NEO1: variants seen among roughly 807,000 people sequenced by gnomAD.
The protein encoded by NEO1 is neogenin 1.
A neutral mutation model predicts 159.7 loss-of-function variants in NEO1; 63 were observed. That is an observed-to-expected ratio of 0.39 (90% CI 0.32 to 0.49). The LOEUF is 0.49. Among genes scored for constraint, NEO1 ranks in the 20% least tolerant of loss-of-function variants. NEO1 has a pLI of 0.85. For missense variants in NEO1, 1,615 were observed against 1,831.0 expected, an observed-to-expected ratio of 0.88 and a Z score of 2.15; for synonymous variants, 633 against 662.0, an observed-to-expected ratio of 0.96 and a Z score of 0.67.
At position 73,301,404 on chromosome 15, in the gene NEO1, C is replaced by G; in HGVS notation, c.4249C>G (p.Pro1417Ala). The G allele has an allele frequency of 1.2e-6, 2 of 1,614,186 alleles. No homozygotes were observed. The highest frequency in any genetic ancestry group is 1.7e-6 in the Non-Finnish European group (2 of 1,180,030). ...CCGGCCTCCTATGCCAGTGGTTGTTCCCAGTGCCCCTGAAGTGCAGGAGAC... is the reference window on the plus strand; with the variant it reads ...CCGGCCTCCTATGCCAGTGGTTGTTGCCAGTGCCCCTGAAGTGCAGGAGAC... Reference protein sequence around the residue: ...RSRPPMPVVVPSAPEVQETTR... With the variant: ...RSRPPMPVVVASAPEVQETTR... The change falls in exon 28 of 29, where the codon CCC becomes GCC. Residue 1417 changes from proline (P) to alanine (A), a missense_variant. Around this residue, in one of 3 missense-constraint regions of NEO1, gnomAD observed 471 missense variants for 498.9 expected, o/e 0.94. Transcript: ENST00000261908.
intron 6 of NEO1, 30 bp from the exon 7 acceptor site, chr15:73,178,277 T>C (rs2035397237): frequency 6.3e-7 from 1 of 1,593,126 alleles, no homozygotes; most frequent in Non-Finnish European, 8.6e-7. Context: ...AATTAAATTA[T>C]GTAATTTTAT....
At chr15:73,109,844 G>T (rs1251636447) in intron 1 of NEO1, among the ~76,000 whole-genome samples, 1 of 152,094 alleles carries the variant, frequency 6.6e-6, no homozygotes, top group Non-Finnish European at 1.5e-5. Context: ...TTTTCCCCAG[G>T]AGAGGGGTTC....
At position 73,288,418 on chromosome 15, in the gene NEO1, G is replaced by A. The variant is rs780210502; in HGVS notation, c.3516G>A (p.Leu1172=). Residue 1172 remains leucine (L), a synonymous_variant, in exon 24 of 29, where the codon CTG becomes CTA. Coordinates refer to ENST00000261908, the MANE Select transcript of NEO1 (RefSeq NM_002499.4). ...DLWIHHERLE[L]KPIDKSPDPN... ...GGATCCATCATGAGAGACTGGAGCTGAAACCCATTGATAAGTCTCCAGACC... is the reference window on the plus strand; with the variant it reads ...GGATCCATCATGAGAGACTGGAGCTAAAACCCATTGATAAGTCTCCAGACC... 1 of 1,614,102 alleles carries A rather than the reference G, an allele frequency of 6.2e-7. No individual in the cohort carries two copies. Among genetic ancestry groups the A allele is most frequent in the Middle Eastern group, 1.6e-4 (1 of 6,062 alleles).
Position 73,249,064 on chromosome 15 carries a change from G to A in NEO1, c.1611G>A (p.Gln537=). 6.2e-7 allele frequency: 1 copy of A among 1,613,494 alleles called. No individual in the cohort carries two copies. The highest frequency in any genetic ancestry group is 8.5e-7 in the Non-Finnish European group (1 of 1,179,708). ...PLRVETQPEV[Q]LPGPAPNLRA... ...TTCTCGAACTTTTCTTTCTAGTTCA[G>A]CTCCCTGGCCCAGCACCTAACCTTC... The change falls in exon 10 of 29, where the codon CAG becomes CAA. Residue 537 remains glutamine (Q), a synonymous_variant. Coordinates refer to ENST00000261908, the MANE Select transcript of NEO1 (RefSeq NM_002499.4).
chr15:73,120,632 T>C (rs1309734787), intron 2 of NEO1, among the ~76,000 whole-genome samples: 2 of 96,000 alleles, frequency 2.1e-5, no homozygotes, highest in African/African-American at 8.5e-5. Flanking sequence ...TTTTAAGTAC[T>C]TTTTTTTTTT....
intron 1 of NEO1, among the ~76,000 whole-genome samples, chr15:73,084,380 AT>A (rs1032248566): frequency 6.6e-6 from 1 of 152,180 alleles, no homozygotes; most frequent in Non-Finnish European, 1.5e-5. Flanking sequence ...TAGATTACAC[AT>A]TTAAGTGACA....
At chr15:73,258,730 CT>C (rs753639056) in intron 13 of NEO1, 35 bp from the exon 14 acceptor site, 1 of 1,551,436 alleles carries the variant, frequency 6.4e-7, no homozygotes, top group Non-Finnish European at 8.9e-7. Context: ...TTCCAAAGCT[CT>C]TGTTTCAGTT....
intron 4 of NEO1, among the ~76,000 whole-genome samples, chr15:73,135,423 C>A (rs2031638526): frequency 6.6e-6 from 1 of 152,174 alleles, no homozygotes; most frequent in Admixed American, 6.5e-5. Context: ...GGCACTGTGA[C>A]CCCATGACTT....
chr15:73,266,277 T>C, intron 15 of NEO1, 39 bp from the exon 16 acceptor site: 1 of 1,511,092 alleles, frequency 6.6e-7, no homozygotes, highest in Non-Finnish European at 9.1e-7. Flanking sequence ...TAAAATTCTG[T>C]AGTGAGCATT....
In NEO1 at chr15:73,298,726, C is replaced by T. The variant is rs1035025685; in HGVS notation, c.4165+115C>T. 4 of 1,383,256 alleles carry T rather than the reference C, an allele frequency of 2.9e-6. No homozygotes were observed. In the Admixed American group the frequency reaches 6.5e-5, roughly 23 times the overall value. 85.7% of individuals were successfully genotyped at this position (1,383,256 alleles called of 1,614,324 possible). A position where few individuals can be genotyped will look rare whatever the true frequency, so the allele number is the denominator to read the frequency against. ...TATAGCAAAGCAAATATCCTCCAAG[C>T]CTATCTTAGCAATTCTGTTAGCGTA... On this transcript the variant is annotated intron_variant, in intron 27 of 28. Coordinates refer to ENST00000261908, the MANE Select transcript of NEO1 (RefSeq NM_002499.4).
intron 6 of NEO1, among the ~76,000 whole-genome samples, chr15:73,177,194 T>C (rs12901649): frequency 0.37 from 56,771 of 151,864 alleles, 12,044 homozygotes; most frequent in East Asian, 0.57. Context: ...TAAATGATTC[T>C]TAGATATTAC....
intron 25 of NEO1, among the ~76,000 whole-genome samples, chr15:73,291,475 A>G (rs2042162500): frequency 6.6e-6 from 1 of 152,174 alleles, no homozygotes; most frequent in Non-Finnish European, 1.5e-5. Context: ...CTGCAACCAT[A>G]AGATCCACTT....
chr15:73,245,638 A>G (rs1413604306), intron 9 of NEO1, among the ~76,000 whole-genome samples: 1 of 150,884 alleles, frequency 6.6e-6, no homozygotes, highest in Non-Finnish European at 1.5e-5. Context: ...GCAGTGGCAC[A>G]GTCTCTGCTC....
intron 1 of NEO1, among the ~76,000 whole-genome samples, chr15:73,105,257 T>C (rs577198256): frequency 2.0e-5 from 3 of 152,268 alleles, no homozygotes; most frequent in East Asian, 1.9e-4. Context: ...ACTGTTTCAG[T>C]TGGGCCAGAG....
chr15:73,261,386 T>C (rs905620279), intron 15 of NEO1, among the ~76,000 whole-genome samples: 1 of 152,112 alleles, frequency 6.6e-6, no homozygotes, highest in Admixed American at 6.5e-5. Context: ...AACCAATATC[T>C]GGTCACTATA....
intron 4 of NEO1, among the ~76,000 whole-genome samples, chr15:73,133,170 T>A (rs937286740): frequency 1.3e-5 from 2 of 151,996 alleles, no homozygotes; most frequent in African/African-American, 2.4e-5. Flanking sequence ...GAAATTGTGG[T>A]ATGTATATAT....
chr15:73,237,689 GT>G (rs1384278866), intron 8 of NEO1, among the ~76,000 whole-genome samples: 3 of 152,122 alleles, frequency 2.0e-5, no homozygotes, highest in African/African-American at 7.2e-5. Flanking sequence ...TATACTGTGT[GT>G]TTTGAGTTTT....
In NEO1 at chr15:73,288,417, T is replaced by C; in HGVS notation, c.3515T>C (p.Leu1172Pro). 1 of 1,614,140 alleles carries C rather than the reference T, an allele frequency of 6.2e-7. No homozygotes were observed. The highest frequency in any genetic ancestry group is 8.5e-7 in the Non-Finnish European group (1 of 1,180,020). Residue 1172 changes from leucine to proline, a missense_variant, in exon 24 of 29, where the codon CTG becomes CCG. Transcript: ENST00000261908. Reference sequence around the variant, plus strand: ...TGGATCCATCATGAGAGACTGGAGCTGAAACCCATTGATAAGTCTCCAGAC... The same window carrying C: ...TGGATCCATCATGAGAGACTGGAGCCGAAACCCATTGATAAGTCTCCAGAC... ...DLWIHHERLE[L>P]KPIDKSPDPN...
chr15:73,218,539 G>A (rs1271915519), intron 7 of NEO1, among the ~76,000 whole-genome samples: 1 of 152,044 alleles, frequency 6.6e-6, no homozygotes, highest in Non-Finnish European at 1.5e-5. Flanking sequence ...GAATTCGGCT[G>A]TGATTCCATC....
Sources: allele counts gnomAD v4.1 joint callset (sites outside exome capture counted in the v4.1 genomes callset), GRCh38; gene constraint gnomAD v4.1.1; regional missense constraint gnomAD v4.1.1; transcripts MANE v1.5; gene names NCBI Gene and HGNC (gene_info 2026-07-23, HGNC 2026-07-21).